The following NFATC1 variants were observed in gnomAD, a reference collection of about 807,000 sequenced individuals.
NFATC1 encodes nuclear factor of activated T-cells, cytoplasmic 1.
In NFATC1, 22 loss-of-function variants were observed where a neutral mutation model predicts 76.0. The ratio of observed to expected loss-of-function variants is 0.29; its 90% CI spans 0.21 to 0.41. The LOEUF is 0.41. Ranked by LOEUF, NFATC1 falls within the 10% of genes least tolerant of loss-of-function variation. NFATC1 has a pLI of 1.00. For synonymous variants in NFATC1, 704 were observed against 613.1 expected (o/e 1.15, Z -2.19); for missense variants, 1,357 against 1,337.7 (o/e 1.01, Z -0.23).
At chr18:79,485,030 C>T (rs1251490638) in intron 8 of NFATC1, among the ~76,000 whole-genome samples, 1 of 152,222 alleles carries the variant, frequency 6.6e-6, no homozygotes, top group Non-Finnish European at 1.5e-5. Flanking sequence ...TATTTTCTCT[C>T]GAATTGTGGA....
intron 9 of NFATC1, among the ~76,000 whole-genome samples, chr18:79,519,298 C>A (rs186567939): frequency 6.6e-6 from 1 of 152,172 alleles, no homozygotes; most frequent in Non-Finnish European, 1.5e-5. Flanking sequence ...TCGGGCTTTC[C>A]TGGAAAACAG....
At chr18:79,401,723 G>T (rs1234969942) in intron 1 of NFATC1, among the ~76,000 whole-genome samples, 3 of 152,248 alleles carry the variant, frequency 2.0e-5, no homozygotes, top group African/African-American at 7.2e-5. Context: ...GGCCACCAGG[G>T]TGGCCCCTCT....
At chr18:79,493,155 T>C (rs2089740223) in intron 9 of NFATC1, among the ~76,000 whole-genome samples, 2 of 152,226 alleles carry the variant, frequency 1.3e-5, no homozygotes, top group East Asian at 3.8e-4. Context: ...CAGAGCTCCG[T>C]GTGGCTCCTT....
At position 79,425,849 on chromosome 18, in the gene NFATC1, A is replaced by AT. The variant is rs1438927359; in HGVS notation, c.1227-7723dup. Among the ~76,000 whole-genome samples the AT allele has an allele frequency of 2.0e-5, 3 of 152,266 alleles. No homozygotes were observed. The East Asian group carries it at 5.8e-4, about 29-fold the overall frequency. On this transcript the variant is annotated intron_variant, in intron 2 of 9. Transcript: ENST00000427363. Reference sequence around the variant, plus strand: ...ACCTGAGAGCAGAGCAAAGTTTCTCATTTTTTTGGTTGTACAAATAACAAA... The same window carrying AT: ...ACCTGAGAGCAGAGCAAAGTTTCTCATTTTTTTTGGTTGTACAAATAACAAA...
At chr18:79,520,532 G>C (rs1007259674) in intron 9 of NFATC1, among the ~76,000 whole-genome samples, 1 of 142,036 alleles carries the variant, frequency 7.0e-6, no homozygotes, top group South Asian at 2.2e-4. Context: ...CTCTGTGTGT[G>C]GGGGGGGGAG....
At chr18:79,512,932 C>T (rs1456501464) in intron 9 of NFATC1, among the ~76,000 whole-genome samples, 1 of 152,202 alleles carries the variant, frequency 6.6e-6, no homozygotes, top group East Asian at 1.9e-4. Context: ...ACCGTAGGTC[C>T]GCACCCCACC....
At chr18:79,458,169 T>C (rs1265700911) in intron 6 of NFATC1, among the ~76,000 whole-genome samples, 1 of 152,158 alleles carries the variant, frequency 6.6e-6, no homozygotes, top group Non-Finnish European at 1.5e-5. Context: ...GCTGGGTGGC[T>C]GTTTCCCCTC....
intron 2 of NFATC1, among the ~76,000 whole-genome samples, chr18:79,423,999 AGG>A (rs1162575258): frequency 6.6e-6 from 1 of 151,992 alleles, no homozygotes; most frequent in Non-Finnish European, 1.5e-5. Flanking sequence ...TGAAATCCTA[AGG>A]TTGCCCGGGC....
At chr18:79,489,410 C>T (rs1040942436) in intron 9 of NFATC1, among the ~76,000 whole-genome samples, 1 of 152,256 alleles carries the variant, frequency 6.6e-6, no homozygotes, top group African/African-American at 2.4e-5. Context: ...ATGCCACGTT[C>T]CCATTGGGGC....
intron 2 of NFATC1, among the ~76,000 whole-genome samples, chr18:79,413,275 G>A (rs992542460): frequency 6.6e-6 from 1 of 152,216 alleles, no homozygotes; most frequent in Non-Finnish European, 1.5e-5. Context: ...TGAACCCCAC[G>A]TATTTGTTTC....
chr18:79,412,614 T>G (rs1419340541), intron 2 of NFATC1, among the ~76,000 whole-genome samples: 2 of 152,188 alleles, frequency 1.3e-5, no homozygotes, highest in African/African-American at 4.8e-5. Context: ...CAGGCCATGC[T>G]TCAGCCATGG....
chr18:79,420,708 A>T (rs2086057504), intron 2 of NFATC1: 1 of 152,212 alleles, frequency 6.6e-6, no homozygotes, highest in South Asian at 2.1e-4. Context: ...AGAGAGGAAG[A>T]GGAGGACGTG....
At chr18:79,404,811 G>C (rs996924065) in intron 1 of NFATC1, among the ~76,000 whole-genome samples, 1 of 152,182 alleles carries the variant, frequency 6.6e-6, no homozygotes, top group African/African-American at 2.4e-5. Flanking sequence ...ACTGCGTGTC[G>C]TGAGGGGCAG....
At chr18:79,446,975 G>A (rs115608817) in intron 3 of NFATC1, among the ~76,000 whole-genome samples, 2,288 of 152,296 alleles carry the variant, frequency 0.015, 61 homozygotes, top group African/African-American at 0.052. Flanking sequence ...CTCACGCGGC[G>A]TCCCAGTCCC....
rs550370008 is a variant in NFATC1 at position 79,472,511 on chromosome 18, C to G, written c.2092+4929C>G. Among the ~76,000 whole-genome samples, 4 of 152,354 alleles carry G rather than the reference C, an allele frequency of 2.6e-5. No individual in the cohort carries two copies. In the South Asian group the frequency reaches 8.3e-4, roughly 32 times the overall value. On this transcript the variant is annotated intron_variant, in intron 8 of 9. Coordinates refer to ENST00000427363, the MANE Select transcript of NFATC1 (RefSeq NM_001278669.2). The stretch of plus-strand genomic sequence containing the variant: ...TTGTCCAAGTCCACTGCATGTAAAG[C>G]TTGATCCTGAAACAGTGAAGTTCTT...
At chr18:79,413,173 A>G (rs1236092342) in intron 2 of NFATC1, among the ~76,000 whole-genome samples, 4 of 152,176 alleles carry the variant, frequency 2.6e-5, no homozygotes, top group Admixed American at 6.5e-5. Context: ...AACTTCACTG[A>G]ACTGGCGAGA....
At position 79,412,725 on chromosome 18, in the gene NFATC1, C is replaced by T. The variant is rs145687882; in HGVS notation, c.1226+1224C>T. On this transcript the variant is annotated intron_variant, in intron 2 of 9. Transcript: ENST00000427363. ...TCTCTGAAGGCTTGTGGCAAAGAAA[C>T]AGTGTTAGAGCTGACAGTTCTTTGA... 4.9e-3 allele frequency among the ~76,000 whole-genome samples: 742 copies of T among 152,302 alleles called. 3 individuals carry two copies. Among genetic ancestry groups the T allele is most frequent in the Non-Finnish European group, 8.5e-3 (577 of 68,028 alleles).
At chr18:79,503,251 A>C (rs952459653) in intron 9 of NFATC1, among the ~76,000 whole-genome samples, 1 of 152,206 alleles carries the variant, frequency 6.6e-6, no homozygotes, top group South Asian at 2.1e-4. Context: ...CACACCTCAG[A>C]GACGTCGCAG....
At chr18:79,409,847 C>CA (rs1252137009) in intron 1 of NFATC1, among the ~76,000 whole-genome samples, 1 of 152,150 alleles carries the variant, frequency 6.6e-6, no homozygotes, top group African/African-American at 2.4e-5. Context: ...TTCTGTTTGT[C>CA]AAAGAGATGA....
Sources: gnomAD v4.1 joint callset for allele counts (sites outside exome capture counted in the v4.1 genomes callset) on GRCh38, gnomAD v4.1.1 for gene constraint, MANE v1.5 for transcripts, NCBI Gene and HGNC (gene_info 2026-07-23, HGNC 2026-07-21) for gene names.